Variants in CAMKMT observed in about 807,000 individuals in gnomAD.
CAMKMT encodes the protein CaM KMT.
CAMKMT carries 53 observed loss-of-function variants against 48.0 expected under a neutral mutation model. The ratio of observed to expected loss-of-function variants is 1.10; its 90% CI spans 0.89 to 1.39. The LOEUF is 1.39. CAMKMT is among the 40% of genes most tolerant of loss of function. The pLI is 0.00. For missense variants in CAMKMT, 428 were observed against 402.7 expected (o/e 1.06, Z -0.54); for synonymous variants, 165 against 152.3 (o/e 1.08, Z -0.61).
chr2:44,416,431 C>T (rs557639421), intron 3 of CAMKMT, among the ~76,000 whole-genome samples: 34 of 152,044 alleles, frequency 2.2e-4, no homozygotes, highest in Non-Finnish European at 4.0e-4. Flanking sequence ...TGTTTTTCTT[C>T]CAGTCAAATA....
intron 3 of CAMKMT, among the ~76,000 whole-genome samples, chr2:44,495,752 A>G (rs889071561): frequency 9.2e-5 from 14 of 152,120 alleles, no homozygotes; most frequent in African/African-American, 3.4e-4. Context: ...CAGCTGTCAC[A>G]GTGTAGTTCC....
At chr2:44,461,260 A>C (rs1667835346) in intron 3 of CAMKMT, among the ~76,000 whole-genome samples, 1 of 152,174 alleles carries the variant, frequency 6.6e-6, no homozygotes. Context: ...AACCCTAATA[A>C]AAGTCTATAT....
intron 3 of CAMKMT, among the ~76,000 whole-genome samples, chr2:44,450,978 A>G (rs965828652): frequency 2.0e-5 from 3 of 152,220 alleles, no homozygotes; most frequent in East Asian, 1.9e-4. Flanking sequence ...GAAGTGCCCA[A>G]TCAAAGGATT....
chr2:44,389,869 A>G (rs1055051531), intron 2 of CAMKMT, among the ~76,000 whole-genome samples: 1 of 152,088 alleles, frequency 6.6e-6, no homozygotes, highest in Non-Finnish European at 1.5e-5. Context: ...AAATTTATGT[A>G]TTGTTGAGTG....
At chr2:44,704,681 C>CAAAAA in intron 4 of CAMKMT, among the ~76,000 whole-genome samples, 1 of 81,330 alleles carries the variant, frequency 1.2e-5, no homozygotes, top group Non-Finnish European at 2.6e-5. Flanking sequence ...TTGTGAAGGT[C>CAAAAA]AAAAAAAAAA....
At chr2:44,669,024 C>T (rs530226646) in intron 3 of CAMKMT, among the ~76,000 whole-genome samples, 56 of 152,294 alleles carry the variant, frequency 3.7e-4, no homozygotes, top group Non-Finnish European at 6.5e-4. Flanking sequence ...CTCAGGCAAT[C>T]CACCCACTTC....
chr2:44,603,131 C>G (rs1380635671), intron 3 of CAMKMT, among the ~76,000 whole-genome samples: 1 of 152,026 alleles, frequency 6.6e-6, no homozygotes, highest in Non-Finnish European at 1.5e-5. Context: ...CTTTGTCACC[C>G]AGGCTGGAGT....
chr2:44,411,375 A>C (rs572464235), intron 3 of CAMKMT, among the ~76,000 whole-genome samples: 2 of 152,322 alleles, frequency 1.3e-5, no homozygotes, highest in South Asian at 4.1e-4. Context: ...TTTGGTTTAT[A>C]AAGTTTCTGA....
At chr2:44,472,481 C>T (rs1668473089) in intron 3 of CAMKMT, among the ~76,000 whole-genome samples, 1 of 152,178 alleles carries the variant, frequency 6.6e-6, no homozygotes, top group African/African-American at 2.4e-5. Flanking sequence ...AAGGTTCGAA[C>T]TTTTGCATCA....
chr2:44,401,659 C>T (rs1261097096), intron 3 of CAMKMT, among the ~76,000 whole-genome samples: 1 of 152,176 alleles, frequency 6.6e-6, no homozygotes, highest in South Asian at 2.1e-4. Flanking sequence ...GCTTGAATAA[C>T]TACATTAAAT....
intron 3 of CAMKMT, among the ~76,000 whole-genome samples, chr2:44,447,747 A>G (rs1381082426): frequency 6.6e-6 from 1 of 152,236 alleles, no homozygotes; most frequent in African/African-American, 2.4e-5. Context: ...GTAGGGCATA[A>G]AAGTATAATC....
At chr2:44,479,847 A>G (rs1668876205) in intron 3 of CAMKMT, among the ~76,000 whole-genome samples, 1 of 152,164 alleles carries the variant, frequency 6.6e-6, no homozygotes, top group Non-Finnish European at 1.5e-5. Flanking sequence ...GTGTCCCCAA[A>G]CAAGTATTGA....
At chr2:44,491,543 A>C (rs899952081) in intron 3 of CAMKMT, among the ~76,000 whole-genome samples, 1 of 152,232 alleles carries the variant, frequency 6.6e-6, no homozygotes, top group Non-Finnish European at 1.5e-5. Context: ...GTGTTAATTT[A>C]ATAAAGTAAC....
chr2:44,739,842 T>G (rs1173816858), intron 7 of CAMKMT, among the ~76,000 whole-genome samples: 1 of 152,052 alleles, frequency 6.6e-6, no homozygotes, highest in African/African-American at 2.4e-5. Flanking sequence ...GAGAGGATAT[T>G]TTACAAAGGG....
chr2:44,389,215 A>T (rs1461731597), intron 2 of CAMKMT, among the ~76,000 whole-genome samples: 2 of 152,032 alleles, frequency 1.3e-5, no homozygotes, highest in Non-Finnish European at 2.9e-5. Flanking sequence ...GAGATTCCCA[A>T]TACCTCCTCT....
In CAMKMT at chr2:44,732,619, G is replaced by T. The variant is rs142160972; in HGVS notation, c.624-11003G>T. ...TTTGTAGCTGGGACTATAGGCACATGTCACCATGCCCAGCTTGGAGTTCTA... is the reference window on the plus strand; with the variant it reads ...TTTGTAGCTGGGACTATAGGCACATTTCACCATGCCCAGCTTGGAGTTCTA... On this transcript the variant is annotated intron_variant, in intron 7 of 10. Transcript: ENST00000378494. 2.6e-5 allele frequency among the ~76,000 whole-genome samples: 4 copies of T among 152,320 alleles called. No individual in the cohort carries two copies. In the East Asian group the frequency reaches 7.7e-4, roughly 29 times the overall value.
At chr2:44,724,981 CTG>C (rs1378889190) in intron 7 of CAMKMT, among the ~76,000 whole-genome samples, 5 of 152,148 alleles carry the variant, frequency 3.3e-5, no homozygotes, top group South Asian at 4.1e-4. Flanking sequence ...AGAGCAGCAA[CTG>C]TAAATATTCT....
chr2:44,493,642 C>T (rs1445733321), intron 3 of CAMKMT, among the ~76,000 whole-genome samples: 1 of 152,152 alleles, frequency 6.6e-6, no homozygotes, highest in Non-Finnish European at 1.5e-5. Flanking sequence ...TTGCCATTGA[C>T]TTTTCCTTTT....
intron 7 of CAMKMT, among the ~76,000 whole-genome samples, chr2:44,740,621 C>T (rs1016742880): frequency 1.3e-5 from 2 of 152,112 alleles, no homozygotes; most frequent in Admixed American, 1.3e-4. Flanking sequence ...ACTTGAGGTT[C>T]ATAGTCATGA....
Sources: allele counts gnomAD v4.1 joint callset (sites outside exome capture counted in the v4.1 genomes callset), GRCh38; gene constraint gnomAD v4.1.1; transcripts MANE v1.5; gene names NCBI Gene and HGNC (gene_info 2026-07-23, HGNC 2026-07-21).